The following HS6ST3 variants were observed in gnomAD, a reference collection of about 807,000 sequenced individuals.
The protein encoded by HS6ST3 is heparan sulfate 6-O-sulfotransferase 3.
A neutral mutation model predicts 36.7 loss-of-function variants in HS6ST3; 12 were observed. The ratio of observed to expected loss-of-function variants is 0.33; its 90% CI spans 0.21 to 0.53. The LOEUF is 0.53. HS6ST3 is among the 20% of genes least tolerant of loss of function. HS6ST3 has a pLI of 0.95. For synonymous variants in HS6ST3, 240 were observed against 257.5 expected (o/e 0.93, Z 0.65); for missense variants, 584 against 640.9 (o/e 0.91, Z 0.96).
At chr13:96,485,506 T>C (rs1468945146) in intron 1 of HS6ST3, among the ~76,000 whole-genome samples, 5 of 152,200 alleles carry the variant, frequency 3.3e-5, no homozygotes, top group African/African-American at 1.2e-4. Flanking sequence ...ATTTTCATCA[T>C]AGATAATCAT....
At chr13:96,525,825 G>C (rs2056111501) in intron 1 of HS6ST3, among the ~76,000 whole-genome samples, 2 of 152,166 alleles carry the variant, frequency 1.3e-5, no homozygotes, top group African/African-American at 4.8e-5. Flanking sequence ...TATGATGTGG[G>C]CATTGTGTTA....
intron 1 of HS6ST3, among the ~76,000 whole-genome samples, chr13:96,668,192 A>G (rs1297584403): frequency 7.2e-5 from 11 of 151,804 alleles, no homozygotes; most frequent in Admixed American, 1.3e-4. Context: ...ACACACACGC[A>G]CACACACACA....
intron 1 of HS6ST3, chr13:96,169,972 A>G (rs2054179923): frequency 6.6e-6 from 1 of 152,198 alleles, no homozygotes; most frequent in East Asian, 1.9e-4. Context: ...TACCATATTA[A>G]CCAACCCAGT....
At chr13:96,591,603 C>A (rs1357223195) in intron 1 of HS6ST3, among the ~76,000 whole-genome samples, 1 of 151,948 alleles carries the variant, frequency 6.6e-6, no homozygotes, top group African/African-American at 2.4e-5. Flanking sequence ...TTAGTTAAAT[C>A]TTTAGGGTTT....
intron 1 of HS6ST3, among the ~76,000 whole-genome samples, chr13:96,503,122 T>C (rs187227653): frequency 2.0e-5 from 3 of 152,336 alleles, no homozygotes; most frequent in East Asian, 3.9e-4. Context: ...TGTGTTAAGA[T>C]CTGAACCCCT....
intron 1 of HS6ST3, among the ~76,000 whole-genome samples, chr13:96,555,854 C>G (rs1337822925): frequency 6.6e-6 from 1 of 151,170 alleles, no homozygotes; most frequent in African/African-American, 2.4e-5. Flanking sequence ...TGAACTGAAG[C>G]AAGATGTGGA....
chr13:96,812,163 T>C (rs1257132698), intron 1 of HS6ST3, among the ~76,000 whole-genome samples: 1 of 152,162 alleles, frequency 6.6e-6, no homozygotes, highest in African/African-American at 2.4e-5. Context: ...CCACACAAGA[T>C]GTTTGTTTGT....
At position 96,547,742 on chromosome 13, in the gene HS6ST3, C is replaced by T. The variant is rs116398235; in HGVS notation, c.708-284748C>T. Among the ~76,000 whole-genome samples the T allele has an allele frequency of 6.2e-3, 947 of 152,162 alleles. 16 individuals carry two copies. Among genetic ancestry groups the T allele is most frequent in the African/African-American group, 0.022 (904 of 41,522 alleles). On this transcript the variant is annotated intron_variant, in intron 1 of 1. Coordinates refer to ENST00000376705, the MANE Select transcript of HS6ST3 (RefSeq NM_153456.4). ...CATAAGTTGTTTGGAGTTTGGCCGGCGTATCTATATAAGTAATGTGTTTAC... is the reference window on the plus strand; with the variant it reads ...CATAAGTTGTTTGGAGTTTGGCCGGTGTATCTATATAAGTAATGTGTTTAC...
At chr13:96,589,011 A>G (rs144818681) in intron 1 of HS6ST3, among the ~76,000 whole-genome samples, 1,573 of 148,028 alleles carry the variant, frequency 0.011, 21 homozygotes, top group African/African-American at 0.025. Flanking sequence ...AGATAGCACC[A>G]CTGCACTCCA....
At chr13:96,139,177 T>C (rs2054017229) in intron 1 of HS6ST3, among the ~76,000 whole-genome samples, 1 of 152,034 alleles carries the variant, frequency 6.6e-6, no homozygotes, top group Non-Finnish European at 1.5e-5. Flanking sequence ...GAAGCACCGT[T>C]TTTTTTCTGG....
intron 1 of HS6ST3, among the ~76,000 whole-genome samples, chr13:96,273,258 T>C (rs1465649484): frequency 4.6e-5 from 7 of 151,942 alleles, no homozygotes; most frequent in Non-Finnish European, 8.8e-5. Flanking sequence ...CAATGAATCA[T>C]TGATAAAAAA....
chr13:96,138,410 TTACAGTTTATAAATATA>T (rs1229032401), intron 1 of HS6ST3, among the ~76,000 whole-genome samples: 5 of 148,484 alleles, frequency 3.4e-5, no homozygotes, highest in Admixed American at 2.7e-4. Context: ...AAATATATAT[TTACAGTTTATAAATATA>T]TATTTACAGT....
intron 1 of HS6ST3, among the ~76,000 whole-genome samples, chr13:96,575,940 C>T (rs2056318964): frequency 6.6e-6 from 1 of 152,142 alleles, no homozygotes; most frequent in Non-Finnish European, 1.5e-5. Flanking sequence ...TCAGAAAACT[C>T]GTCAAGTGGA....
intron 1 of HS6ST3, among the ~76,000 whole-genome samples, chr13:96,522,566 G>C (rs1161521996): frequency 1.3e-5 from 2 of 152,124 alleles, no homozygotes; most frequent in African/African-American, 4.8e-5. Context: ...AGGATAGTTA[G>C]CTCTTCTTGT....
intron 1 of HS6ST3, among the ~76,000 whole-genome samples, chr13:96,309,231 G>A (rs2054928495): frequency 6.6e-6 from 1 of 152,060 alleles, no homozygotes; most frequent in African/African-American, 2.4e-5. Context: ...TTTGAAGAAG[G>A]AGGGGGTGGC....
chr13:96,812,173 T>A (rs1249726755), intron 1 of HS6ST3, among the ~76,000 whole-genome samples: 1 of 152,170 alleles, frequency 6.6e-6, no homozygotes, highest in Non-Finnish European at 1.5e-5. Context: ...TGTTTGTTTG[T>A]ATAGAAAACT....
At chr13:96,263,340 A>G (rs2054675542) in intron 1 of HS6ST3, among the ~76,000 whole-genome samples, 3 of 152,222 alleles carry the variant, frequency 2.0e-5, no homozygotes, top group African/African-American at 7.2e-5. Context: ...TGAGAGTTCA[A>G]GGAGCCCAGG....
At chr13:96,521,098 T>C (rs2056091491) in intron 1 of HS6ST3, among the ~76,000 whole-genome samples, 1 of 152,232 alleles carries the variant, frequency 6.6e-6, no homozygotes, top group African/African-American at 2.4e-5. Flanking sequence ...TCTGCATCTA[T>C]TGAGATAATC....
chr13:96,814,526 T>C (rs538947583), intron 1 of HS6ST3, among the ~76,000 whole-genome samples: 1 of 152,276 alleles, frequency 6.6e-6, no homozygotes, highest in African/African-American at 2.4e-5. Context: ...ATTTAGGCCT[T>C]TTCAATTTCA....
Sources: gnomAD v4.1 joint callset for allele counts (sites outside exome capture counted in the v4.1 genomes callset) on GRCh38, gnomAD v4.1.1 for gene constraint, MANE v1.5 for transcripts, NCBI Gene and HGNC (gene_info 2026-07-23, HGNC 2026-07-21) for gene names.